CTXND2: variants seen among roughly 807,000 people sequenced by gnomAD.
CTXND2 encodes cortexin domain containing 2.
At chr1:150,906,211 A>G (rs1485797894) in intron 1 of CTXND2, among the ~76,000 whole-genome samples, 1 of 151,792 alleles carries the variant, frequency 6.6e-6, no homozygotes, top group African/African-American at 2.4e-5. Flanking sequence ...AGGCAGGAGG[A>G]TCACTTGAGC....
intron 1 of CTXND2, among the ~76,000 whole-genome samples, chr1:150,909,794 A>C (rs1669217610): frequency 6.6e-6 from 1 of 152,166 alleles, no homozygotes; most frequent in Admixed American, 6.5e-5. Context: ...CCAAAGAAGA[A>C]GGCTTTACTC....
intron 1 of CTXND2, among the ~76,000 whole-genome samples, chr1:150,900,801 T>C (rs1015881810): frequency 6.6e-6 from 1 of 152,010 alleles, no homozygotes; most frequent in African/African-American, 2.4e-5. Context: ...ACAAAATACA[T>C]GAACAGACCA....
chr1:150,898,586 T>C (rs587769265), intron 1 of CTXND2, among the ~76,000 whole-genome samples: 1 of 150,666 alleles, frequency 6.6e-6, no homozygotes, highest in South Asian at 2.1e-4. Context: ...CAAAACCCTG[T>C]CTCTACTAAA....
At chr1:150,894,497 A>G (rs372048812) in intron 1 of CTXND2, among the ~76,000 whole-genome samples, 1 of 152,130 alleles carries the variant, frequency 6.6e-6, no homozygotes, top group Admixed American at 6.6e-5. Context: ...ATGGTGGTTT[A>G]TATCTATTTC....
At chr1:150,905,101 C>CAT (rs1338045704) in intron 1 of CTXND2, among the ~76,000 whole-genome samples, 1 of 140,222 alleles carries the variant, frequency 7.1e-6, no homozygotes, top group Admixed American at 7.2e-5. Context: ...CACACACACA[C>CAT]ACAAATCACC....
intron 1 of CTXND2, among the ~76,000 whole-genome samples, chr1:150,900,178 C>T (rs1340527373): frequency 6.6e-6 from 1 of 152,162 alleles, no homozygotes; most frequent in Non-Finnish European, 1.5e-5. Context: ...TGGGTCTGCA[C>T]TACCTTTATG....
At chr1:150,894,919 C>T (rs919259645) in intron 1 of CTXND2, among the ~76,000 whole-genome samples, 3 of 152,030 alleles carry the variant, frequency 2.0e-5, no homozygotes, top group African/African-American at 7.2e-5. Flanking sequence ...CCTGTAGTCT[C>T]AGCTACTCAG....
intron 1 of CTXND2, among the ~76,000 whole-genome samples, chr1:150,910,140 T>TC (rs1366686815): frequency 6.1e-5 from 9 of 147,976 alleles, no homozygotes; most frequent in African/African-American, 2.2e-4. Context: ...TTTCTTTTTT[T>TC]TTTTTTTTGA....
At chr1:150,890,783 G>A (rs929572278) in intron 1 of CTXND2, among the ~76,000 whole-genome samples, 5 of 152,048 alleles carry the variant, frequency 3.3e-5, no homozygotes, top group Admixed American at 6.6e-5. Context: ...GATTACAGAC[G>A]AGAGCCACCG....
intron 1 of CTXND2, among the ~76,000 whole-genome samples, chr1:150,901,640 G>A (rs774315416): frequency 1.3e-5 from 2 of 152,172 alleles, no homozygotes; most frequent in Non-Finnish European, 2.9e-5. Context: ...GGGGCTGGGA[G>A]CAGTGGCTCA....
At chr1:150,899,055 G>A (rs954229758) in intron 1 of CTXND2, among the ~76,000 whole-genome samples, 10 of 151,068 alleles carry the variant, frequency 6.6e-5, no homozygotes, top group African/African-American at 2.2e-4. Flanking sequence ...CTGAGATCAC[G>A]CCACTGCACT....
At chr1:150,902,499 C>T (rs1487814499) in intron 1 of CTXND2, among the ~76,000 whole-genome samples, 1 of 152,018 alleles carries the variant, frequency 6.6e-6, no homozygotes, top group East Asian at 1.9e-4. Flanking sequence ...GCCCAGGAGA[C>T]AGAGGTTGCA....
At chr1:150,888,043 A>G (rs1195574927) in intron 1 of CTXND2, among the ~76,000 whole-genome samples, 2 of 148,536 alleles carry the variant, frequency 1.3e-5, no homozygotes, top group African/African-American at 4.9e-5. Flanking sequence ...CTCATCTCAA[A>G]CAAAACAAGA....
chr1:150,896,281 A>G (rs2102595975), intron 1 of CTXND2, among the ~76,000 whole-genome samples: 1 of 152,328 alleles, frequency 6.6e-6, no homozygotes, highest in African/African-American at 2.4e-5. Context: ...GAACCCTGAT[A>G]CTTTGAATCA....
At chr1:150,901,077 A>G (rs1229220961) in intron 1 of CTXND2, among the ~76,000 whole-genome samples, 1 of 152,136 alleles carries the variant, frequency 6.6e-6, no homozygotes, top group Non-Finnish European at 1.5e-5. Context: ...ATGCCACTGC[A>G]CTCCAGCCTG....
intron 1 of CTXND2, among the ~76,000 whole-genome samples, chr1:150,888,754 G>T (rs769726282): frequency 6.6e-6 from 1 of 151,804 alleles, no homozygotes; most frequent in Non-Finnish European, 1.5e-5. Context: ...GCAGTGGTGC[G>T]ATCATGGCTT....
chr1:150,910,059 A>G (rs1669222194), intron 1 of CTXND2, among the ~76,000 whole-genome samples: 1 of 151,346 alleles, frequency 6.6e-6, no homozygotes, highest in Admixed American at 6.6e-5. Flanking sequence ...GGAACTCAAC[A>G]TAAAACAAAT....
intron 1 of CTXND2, among the ~76,000 whole-genome samples, chr1:150,901,281 G>A (rs78326440): frequency 0.031 from 4,712 of 152,226 alleles, 261 homozygotes; most frequent in African/African-American, 0.11. Flanking sequence ...CCATGTTCAC[G>A]GATCAGAAGA....
At chr1:150,890,311 C>A (rs1446888473) in intron 1 of CTXND2, among the ~76,000 whole-genome samples, 1 of 149,616 alleles carries the variant, frequency 6.7e-6, no homozygotes, top group African/African-American at 2.4e-5. Flanking sequence ...TGAAGCTGTA[C>A]TAAGAAGACA....
Sources: gnomAD v4.1 joint callset for allele counts (sites outside exome capture counted in the v4.1 genomes callset) on GRCh38, gnomAD v4.1.1 for gene constraint, MANE v1.5 for transcripts, NCBI Gene and HGNC (gene_info 2026-07-23, HGNC 2026-07-21) for gene names.